Variants in ZFP62 observed in about 807,000 individuals in gnomAD.
ZFP62 encodes the protein ZFP62 zinc finger protein.
A neutral mutation model predicts 56.4 loss-of-function variants in ZFP62; 44 were observed. That is an observed-to-expected ratio of 0.78 (90% CI 0.61 to 1.00). The LOEUF (loss-of-function observed/expected upper bound fraction) is 1.00, where lower values mean the gene tolerates loss of function less well. Among genes scored for constraint, ZFP62 ranks in the 50% least tolerant of loss-of-function variants. The pLI, the probability that ZFP62 is intolerant of heterozygous loss-of-function variation, is 0.00. For synonymous variants in ZFP62, 421 were observed against 388.9 expected, an observed-to-expected ratio of 1.08 and a Z score of -0.97; for missense variants, 1,030 against 1,085.7, an observed-to-expected ratio of 0.95 and a Z score of 0.72.
chr5:180,833,584 CCATAACGTGACCATGCTGG>C, the ZFP62 span, among the ~76,000 whole-genome samples: 1 of 152,060 alleles, frequency 6.6e-6, no homozygotes, highest in African/African-American at 2.4e-5. Context: ...ATGACCCTCA[CCATAACGTGACCATGCTGG>C]CACCACGATC....
chr5:180,845,665 C>G, downstream of ZFP62: 2 of 977,766 alleles, frequency 2.0e-6, no homozygotes, highest in Non-Finnish European at 2.4e-6. Context: ...GAAGGGTCTC[C>G]CCAGCCCAGG....
chr5:180,855,535 C>T (rs935142395), intron 1 of ZFP62, among the ~76,000 whole-genome samples: 13 of 152,140 alleles, frequency 8.5e-5, no homozygotes, highest in South Asian at 6.2e-4. Flanking sequence ...ACATATTCCC[C>T]TGGGAGCCCT....
In ZFP62 at chr5:180,850,313, C is replaced by T. The variant is rs574330574; in HGVS notation, c.1182G>A (p.Lys394=). 25 of 1,567,828 alleles carry T rather than the reference C, an allele frequency of 1.6e-5. No homozygotes were observed. In the East Asian group the frequency reaches 4.5e-4, roughly 28 times the overall value. The change falls in exon 2 of 2, where the codon AAG becomes AAA. Residue 394 remains lysine (K), a synonymous_variant. Coordinates refer to ENST00000502412, the MANE Select transcript of ZFP62 (RefSeq NM_001172638.2). ...TGAATGCTTTGCCACAGACATCACA[C>T]TTGTAAGGTTTCTCTCCTGTGTGGA... The part of the protein sequence containing the change: ...KRIHTGEKPY[K]CDVCGKAFSY...
intron 1 of ZFP62, among the ~76,000 whole-genome samples, chr5:180,853,503 T>C (rs559408605): frequency 6.6e-6 from 1 of 152,212 alleles, no homozygotes; most frequent in South Asian, 2.1e-4. Context: ...TTAATAGTTT[T>C]TACTATACAA....
chr5:180,854,397 A>G (rs1773866061), intron 1 of ZFP62, among the ~76,000 whole-genome samples: 1 of 152,260 alleles, frequency 6.6e-6, no homozygotes, highest in Non-Finnish European at 1.5e-5. Context: ...TGCTTACAGC[A>G]GAATGTGAGT....
chr5:180,849,791 T>C lies in ZFP62; in HGVS notation c.1704A>G (p.Lys568=). The change falls in exon 2 of 2, where the codon AAA becomes AAG. Residue 568 remains lysine, a synonymous_variant. Coordinates refer to ENST00000502412, the MANE Select transcript of ZFP62 (RefSeq NM_001172638.2). ...ERPYKCEECG[K]AYISLSSLIN... is the part of the protein sequence containing the mutation. The stretch of plus-strand genomic sequence containing the variant: ...TAAGGCTCGAGAGAGAGATGTATGC[T>C]TTCCCACATTCTTCACATTTGTAAG... 1 of 1,551,952 alleles carries C rather than the reference T, an allele frequency of 6.4e-7. No homozygotes were observed. The highest frequency in any genetic ancestry group is 8.7e-7 in the Non-Finnish European group (1 of 1,147,108).
At chr5:180,833,991 C>G in the ZFP62 span, among the ~76,000 whole-genome samples, 1 of 152,134 alleles carries the variant, frequency 6.6e-6, no homozygotes, top group African/African-American at 2.4e-5. Context: ...GTTATAGCAA[C>G]CCAAGCTAAG....
chr5:180,841,494 G>A, the ZFP62 span, among the ~76,000 whole-genome samples: 1 of 152,116 alleles, frequency 6.6e-6, no homozygotes, highest in Non-Finnish European at 1.5e-5. Context: ...GCTGTGGGCT[G>A]TGGGCTGTGA....
At chr5:180,834,425 AATGTTGGGAGACAC>A in the ZFP62 span, 1 of 152,228 alleles carries the variant, frequency 6.6e-6, no homozygotes, top group Non-Finnish European at 1.5e-5. Context: ...CTAACACATG[AATGTTGGGAGACAC>A]ATTCAGACCA....
At chr5:180,853,489 C>G (rs1581968011) in intron 1 of ZFP62, among the ~76,000 whole-genome samples, 1 of 152,136 alleles carries the variant, frequency 6.6e-6, no homozygotes. Flanking sequence ...AGTATATAGC[C>G]TTTTTAATAG....
At chr5:180,856,202 G>A (rs574147965) in intron 1 of ZFP62, among the ~76,000 whole-genome samples, 10 of 152,304 alleles carry the variant, frequency 6.6e-5, no homozygotes, top group African/African-American at 2.4e-4. Flanking sequence ...CCTCTGTTTG[G>A]GTTGGGGCGC....
In ZFP62 at chr5:180,850,970, T is replaced by C; in HGVS notation, c.525A>G (p.Gly175=). Residue 175 remains glycine (G), a synonymous_variant, in exon 2 of 2, where the codon GGA becomes GGG. Coordinates refer to ENST00000502412, the MANE Select transcript of ZFP62 (RefSeq NM_001172638.2). ...GGCTCGAGCTGCTCCGGAAAGTCCC[T>C]CCACAGTCATCACATTCATAGCGCT... The part of the protein sequence containing the change: ...GEKRYECDDC[G]GTFRSSSSLR... 1 of 1,553,024 alleles carries C rather than the reference T, an allele frequency of 6.4e-7. No homozygotes were observed. The highest frequency in any genetic ancestry group is 8.7e-7 in the Non-Finnish European group (1 of 1,147,912).
In ZFP62 at chr5:180,849,903, T is replaced by C; in HGVS notation, c.1592A>G (p.Lys531Arg). 1 of 1,551,704 alleles carries C rather than the reference T, an allele frequency of 6.4e-7. No individual in the cohort carries two copies. The highest frequency in any genetic ancestry group is 8.7e-7 in the Non-Finnish European group (1 of 1,147,004). The change falls in exon 2 of 2, where the codon AAA (lysine) becomes AGA (arginine). Residue 531 changes from lysine (K) to arginine (R), a missense_variant. By Grantham distance (26) the Lys-to-Arg change is conservative. Transcript: ENST00000502412. ...EQHKRIHTREKPFGCDECGKA... is the reference protein window; with the variant it reads ...EQHKRIHTRERPFGCDECGKA... ...ACCACACTCATCACACCCAAAGGGT[T>C]TTTCCCTGGTATGAATCCTTTTATG...
downstream of ZFP62, among the ~76,000 whole-genome samples, chr5:180,844,375 T>G (rs576754896): frequency 2.6e-4 from 40 of 152,312 alleles, no homozygotes; most frequent in East Asian, 6.9e-3. Context: ...CCAGAGGAAC[T>G]TCACCTGCTC....
chr5:180,850,260 T>A lies in ZFP62; in HGVS notation c.1235A>T (p.Lys412Ile). Residue 412 changes from lysine (K) to isoleucine (I), a missense_variant, in exon 2 of 2, where the codon AAA (lysine) becomes ATA (isoleucine). Transcript: ENST00000502412. ...GGCTTTCTTCCCAGGGTGAATGCTTTTATGGACTGCGAGGCCTGAGCTATA... is the reference window on the plus strand; with the variant it reads ...GGCTTTCTTCCCAGGGTGAATGCTTATATGGACTGCGAGGCCTGAGCTATA... ...FSYSSGLAVH[K>I]SIHPGKKAHE... 1 of 1,554,868 alleles carries A rather than the reference T, an allele frequency of 6.4e-7. No homozygotes were observed. Among genetic ancestry groups the A allele is most frequent in the South Asian group, 1.2e-5 (1 of 84,236 alleles).
At chr5:180,835,085 G>A in the ZFP62 span, 1 of 152,272 alleles carries the variant, frequency 6.6e-6, no homozygotes, top group Non-Finnish European at 1.5e-5. Flanking sequence ...ATGGTAGCAT[G>A]GCTTGGTCTA....
At chr5:180,833,478 CAA>C in the ZFP62 span, among the ~76,000 whole-genome samples, 549 of 76,714 alleles carry the variant, frequency 7.2e-3, 4 homozygotes, top group African/African-American at 0.018. Context: ...AACTCTGTCT[CAA>C]AAAAAAAAAA....
At chr5:180,855,764 T>C (rs1017860948) in intron 1 of ZFP62, among the ~76,000 whole-genome samples, 2 of 152,212 alleles carry the variant, frequency 1.3e-5, no homozygotes, top group African/African-American at 2.4e-5. Context: ...TCCTTCTTAC[T>C]GCTAAGGCCT....
At position 180,848,867 on chromosome 5, in the gene ZFP62, A is replaced by G. The variant is rs755768339; in HGVS notation, c.2628T>C (p.Tyr876=). The G allele has an allele frequency of 2.4e-5, 37 of 1,551,628 alleles. No homozygotes were observed. The highest frequency in any genetic ancestry group is 9.8e-5 in the Admixed American group (5 of 51,004). The change falls in exon 2 of 2, where the codon TAT becomes TAC. Residue 876 remains tyrosine, a synonymous_variant. Coordinates refer to ENST00000502412, the MANE Select transcript of ZFP62 (RefSeq NM_001172638.2). ...ESLNVIYVGS[Y]SGTSQKRTYE... ...AGGTTCTCTTCTGGGATGTGCCACT[A>G]TAACTTCCCACATATATCACATTTA...
Sources: allele counts gnomAD v4.1 joint callset (sites outside exome capture counted in the v4.1 genomes callset), GRCh38; gene constraint gnomAD v4.1.1; transcripts MANE v1.5; gene names NCBI Gene and HGNC (gene_info 2026-07-23, HGNC 2026-07-21).